The following KIRREL1 variants were observed in gnomAD, a reference collection of about 807,000 sequenced individuals.
The protein encoded by KIRREL1 is kirre like nephrin family adhesion molecule 1, also known as kin of IRRE-like protein 1.
KIRREL1 carries 25 observed loss-of-function variants against 83.3 expected under a neutral mutation model. That is an observed-to-expected ratio of 0.30 (90% confidence interval 0.22 to 0.42). The LOEUF (loss-of-function observed/expected upper bound fraction) is 0.42. KIRREL1 is among the 10% of genes least tolerant of loss of function. The pLI is 1.00. For missense variants in KIRREL1, 812 were observed against 1,032.3 expected (o/e 0.79, Z 2.92); for synonymous variants, 388 against 410.4 (o/e 0.95, Z 0.66).
At position 158,032,223 on chromosome 1, in the gene KIRREL1, A is replaced by C. The variant is rs575341007; in HGVS notation, c.52+38495A>C. ...TGGGGGAAACTAGATCAGGGTTGAG[A>C]AGTCAGGGGCAGGGATTCTCATGGC... On this transcript the variant is annotated intron_variant, in intron 1 of 14. Transcript: ENST00000359209. 1.2e-4 allele frequency among the ~76,000 whole-genome samples: 18 copies of C among 152,310 alleles called. No individual in the cohort carries two copies. The South Asian group carries it at 3.5e-3, about 30-fold the overall frequency.
chr1:158,043,275 G>A (rs910324044), intron 1 of KIRREL1, among the ~76,000 whole-genome samples: 15 of 152,238 alleles, frequency 9.9e-5, no homozygotes, highest in African/African-American at 3.6e-4. Context: ...ACTGAAAATG[G>A]TGACATAGGC....
rs1386379566 is a variant in KIRREL1, at chr1:158,088,011, C to T, written c.773C>T (p.Ala258Val). 6.2e-7 allele frequency: 1 copy of T among 1,614,116 alleles called. No individual in the cohort carries two copies. The highest frequency in any genetic ancestry group is 8.5e-7 in the Non-Finnish European group (1 of 1,180,010). The change falls in exon 7 of 15, where the codon GCC becomes GTC. Residue 258 changes from alanine to valine, a missense_variant. Physicochemically the swap from Ala to Val is moderately conservative, Grantham distance 64. Coordinates refer to ENST00000359209, the MANE Select transcript of KIRREL1 (RefSeq NM_018240.7). ...TGTGTTGCCTCCTCCCCTAGGTGGGCCAAAGGGGGTTTCTTGATTGAAGAC... is the reference window on the plus strand; with the variant it reads ...TGTGTTGCCTCCTCCCCTAGGTGGGTCAAAGGGGGTTTCTTGATTGAAGAC... ...ANPEILGYRW[A>V]KGGFLIEDAH...
At position 158,091,542 on chromosome 1, in the gene KIRREL1, A is replaced by G. The variant is rs776664157; in HGVS notation, c.1457A>G (p.Gln486Arg). Residue 486 changes from glutamine to arginine, a missense_variant, in exon 11 of 15, where the codon CAG becomes CGG. Transcript: ENST00000359209. Reference protein sequence around the residue: ...NSFGPGTAIIQLEEREVLPVG... With the variant: ...NSFGPGTAIIRLEEREVLPVG... ...TTCGGGCCAGGCACAGCCATCATCC[A>G]GCTGGAAGAGCGAGGTGACTGGTAG... The G allele has an allele frequency of 2.5e-6, 4 of 1,614,100 alleles. No homozygotes were observed. In the African/African-American group the frequency reaches 5.3e-5, roughly 22 times the overall value.
chr1:158,045,102 G>A (rs760883613), intron 1 of KIRREL1, among the ~76,000 whole-genome samples: 2 of 152,168 alleles, frequency 1.3e-5, no homozygotes, highest in Non-Finnish European at 2.9e-5. Flanking sequence ...AGGTCCTGAG[G>A]GGAAAATGCA....
At chr1:158,020,600 CAAAAAAA>C (rs370156588) in intron 1 of KIRREL1, among the ~76,000 whole-genome samples, 8 of 83,678 alleles carry the variant, frequency 9.6e-5, no homozygotes, top group Admixed American at 3.5e-4. Flanking sequence ...TACAGTAAAT[CAAAAAAA>C]AAAAAAAAAA....
At chr1:158,054,920 G>A (rs575819237) in intron 1 of KIRREL1, among the ~76,000 whole-genome samples, 2 of 152,324 alleles carry the variant, frequency 1.3e-5, no homozygotes, top group East Asian at 3.9e-4. Flanking sequence ...TACCTACACT[G>A]TGGGTGGAGG....
chr1:158,069,344 GAA>G (rs1661446216), intron 1 of KIRREL1, among the ~76,000 whole-genome samples: 11 of 136,848 alleles, frequency 8.0e-5, no homozygotes, highest in Admixed American at 5.1e-4. Context: ...GTGTGTGTGT[GAA>G]TCTAAGCATT....
rs1662328600 is a variant in KIRREL1 at position 158,095,300 on chromosome 1, A to G, written c.*180A>G. On this transcript the variant is annotated 3_prime_UTR_variant, in exon 15 of 15. Coordinates refer to ENST00000359209, the MANE Select transcript of KIRREL1 (RefSeq NM_018240.7). ...CCGTCCCGAGGATGGTGCTCTGTGCATGCCCCAGCCTCCTGGGCCTGCCCT... is the reference window on the plus strand; with the variant it reads ...CCGTCCCGAGGATGGTGCTCTGTGCGTGCCCCAGCCTCCTGGGCCTGCCCT... The G allele has an allele frequency of 3.4e-6, 2 of 580,572 alleles. No individual in the cohort carries two copies. The highest frequency in any genetic ancestry group is 2.2e-5 in the South Asian group (1 of 45,376). The allele number at this position is 580,572 out of a possible 1,614,324, so 36.0% of individuals were successfully genotyped here.
At chr1:158,024,338 G>A (rs1660102316) in intron 1 of KIRREL1, among the ~76,000 whole-genome samples, 1 of 133,676 alleles carries the variant, frequency 7.5e-6, no homozygotes, top group Non-Finnish European at 1.5e-5. Flanking sequence ...GAGTGGAGTG[G>A]TGCGATCTCT....
At chr1:158,046,361 A>C (rs1660776283) in intron 1 of KIRREL1, among the ~76,000 whole-genome samples, 1 of 152,160 alleles carries the variant, frequency 6.6e-6, no homozygotes, top group African/African-American at 2.4e-5. Flanking sequence ...GAGAAGACCA[A>C]GTTTGGGGGT....
At chr1:158,084,312 A>T in intron 3 of KIRREL1, 110 bp from the exon 4 acceptor site, 1 of 1,087,226 alleles carries the variant, frequency 9.2e-7, no homozygotes, top group Non-Finnish European at 1.3e-6. Context: ...GGTACCGCCT[A>T]CCTAGAGGCG....
Position 158,097,077 on chromosome 1 carries a change from A to G in KIRREL1, c.*1957A>G. ...TCTGTGCATCCTCCTTCATTTCAGC[A>G]GGGAAAACTCCTGTGGAGTGGGCCC... On this transcript the variant is annotated 3_prime_UTR_variant, in exon 15 of 15. Coordinates refer to ENST00000359209, the MANE Select transcript of KIRREL1 (RefSeq NM_018240.7). 2.2e-6 allele frequency: 1 copy of G among 456,732 alleles called. No individual in the cohort carries two copies. Among genetic ancestry groups the G allele is most frequent in the South Asian group, 1.5e-5 (1 of 64,564 alleles). The allele number at this position is 456,732 out of a possible 1,614,324, so 28.3% of individuals were successfully genotyped here. A position where few individuals can be genotyped will look rare whatever the true frequency, so the allele number is the denominator to read the frequency against.
At chr1:158,054,321 T>A (rs759946600) in intron 1 of KIRREL1, among the ~76,000 whole-genome samples, 2 of 151,446 alleles carry the variant, frequency 1.3e-5, no homozygotes, top group Non-Finnish European at 2.9e-5. Flanking sequence ...TTAACCATGA[T>A]GGGATCTCTT....
Position 158,049,006 on chromosome 1 carries a change from G to A in KIRREL1, c.53-27107G>A, listed in dbSNP as rs188732192. Among the ~76,000 whole-genome samples, 133 of 152,254 alleles carry A rather than the reference G, an allele frequency of 8.7e-4. 1 individual carries two copies. The South Asian group carries it at 0.011, about 13-fold the overall frequency. Reference sequence around the variant, plus strand: ...GAGAAGCAGTCAGGTGGGGCTTATCGGGAAAGGCTTTCTGGAAGAGGGAGC... The same window carrying A: ...GAGAAGCAGTCAGGTGGGGCTTATCAGGAAAGGCTTTCTGGAAGAGGGAGC... On this transcript the variant is annotated intron_variant, in intron 1 of 14. Coordinates refer to ENST00000359209, the MANE Select transcript of KIRREL1 (RefSeq NM_018240.7).
chr1:157,997,890 T>C (rs969228594), intron 1 of KIRREL1, among the ~76,000 whole-genome samples: 3 of 152,222 alleles, frequency 2.0e-5, no homozygotes, highest in Admixed American at 2.0e-4. Flanking sequence ...GATTTATTTA[T>C]TTATTTTTTT....
chr1:158,013,598 C>T (rs1229892088), intron 1 of KIRREL1, among the ~76,000 whole-genome samples: 1 of 152,168 alleles, frequency 6.6e-6, no homozygotes, highest in Admixed American at 6.6e-5. Context: ...TTATTCCAAC[C>T]CTTGAATGTT....
rs954392453 is a variant in KIRREL1, at chr1:158,091,456, C to A, written c.1371C>A (p.Thr457=). The change falls in exon 11 of 15, where the codon ACC becomes ACA. Residue 457 remains threonine (T), a synonymous_variant. Coordinates refer to ENST00000359209, the MANE Select transcript of KIRREL1 (RefSeq NM_018240.7). ...NSGSGVLSTL[T]INNVMEADFQ... is the part of the protein sequence containing the mutation. ...GCAGTGGGGTGCTATCCACGCTCAC[C>A]ATCAACAATGTCATGGAGGCCGACT... The A allele has an allele frequency of 1.2e-6, 2 of 1,614,218 alleles. No homozygotes were observed. Among genetic ancestry groups the A allele is most frequent in the African/African-American group, 1.3e-5 (1 of 75,070 alleles).
At chr1:158,042,188 C>CTGCGTCGTG (rs1660646417) in intron 1 of KIRREL1, among the ~76,000 whole-genome samples, 1 of 150,214 alleles carries the variant, frequency 6.7e-6, no homozygotes, top group African/African-American at 2.5e-5. Context: ...CCATGAGTAG[C>CTGCGTCGTG]TGCGTCGTGT....
chr1:158,028,705 C>T (rs1660238524), intron 1 of KIRREL1, among the ~76,000 whole-genome samples: 1 of 152,136 alleles, frequency 6.6e-6, no homozygotes, highest in Non-Finnish European at 1.5e-5. Flanking sequence ...CATAGCACTT[C>T]TCAGTTTACT....
Sources: allele counts gnomAD v4.1 joint callset (sites outside exome capture counted in the v4.1 genomes callset), GRCh38; gene constraint gnomAD v4.1.1; transcripts MANE v1.5; gene names NCBI Gene and HGNC (gene_info 2026-07-23, HGNC 2026-07-21).